WTAP: variants seen among roughly 807,000 people sequenced by gnomAD.
The protein encoded by WTAP is WT1 associated protein.
WTAP carries 8 observed loss-of-function variants against 50.0 expected under a neutral mutation model. The observed-to-expected ratio is 0.16, with a 90% CI of 0.09 to 0.29. The LOEUF is 0.29. Among genes scored for constraint, WTAP ranks in the 10% least tolerant of loss-of-function variants. WTAP has a pLI of 1.00. For synonymous variants in WTAP, 194 were observed against 169.0 expected (o/e 1.15, Z -1.15); for missense variants, 295 against 470.7 (o/e 0.63, Z 3.45).
At chr6:159,736,561 G>A (rs1778930639) in intron 2 of WTAP, 2 of 315,876 alleles carry the variant, frequency 6.3e-6, no homozygotes, top group Non-Finnish European at 1.2e-5. Context: ...TGTTCATTAT[G>A]TGAATATTTC....
At chr6:159,740,278 G>C (rs1284050126) in intron 3 of WTAP, among the ~76,000 whole-genome samples, 1 of 152,068 alleles carries the variant, frequency 6.6e-6, no homozygotes, top group East Asian at 1.9e-4. Flanking sequence ...TCTTAATAAA[G>C]AATCATAGAA....
At chr6:159,729,448 C>T (rs970979332) in intron 1 of WTAP, among the ~76,000 whole-genome samples, 2 of 152,098 alleles carry the variant, frequency 1.3e-5, no homozygotes, top group Non-Finnish European at 2.9e-5. Context: ...CAAGATGTTC[C>T]ATCTGACTAA....
chr6:159,754,384 TA>T lies in WTAP; in HGVS notation c.608-643del, dbSNP rs1489586556. ...CACTATCCTTAAGGATCAGACTTGC[TA>T]TGGAACTAAGGCACTGGATCAGGAA... On this transcript the variant is annotated intron_variant, in intron 7 of 7. Coordinates refer to ENST00000621533, the MANE Select transcript of WTAP (RefSeq NM_001270531.2). 5.9e-5 allele frequency among the ~76,000 whole-genome samples: 9 copies of T among 152,174 alleles called. No homozygotes were observed. In the East Asian group the frequency reaches 7.7e-4, roughly 13 times the overall value.
chr6:159,755,013 C>A lies in WTAP; in HGVS notation c.608-15C>A. ...ATAAACGATATTAAAGTTGGTCTGACTCTCCTTTGCACAGAACTGAATGAC... is the reference window on the plus strand; with the variant it reads ...ATAAACGATATTAAAGTTGGTCTGAATCTCCTTTGCACAGAACTGAATGAC... On this transcript the variant is annotated splice_polypyrimidine_tract_variant and intron_variant, in intron 7 of 7. Transcript: ENST00000621533. The A allele has an allele frequency of 6.3e-7, 1 of 1,581,606 alleles. No homozygotes were observed. The highest frequency in any genetic ancestry group is 8.6e-7 in the Non-Finnish European group (1 of 1,162,780).
Position 159,731,566 on chromosome 6 carries a change from C to T in WTAP, c.-9+3863C>T, listed in dbSNP as rs748378848. The stretch of plus-strand genomic sequence containing the variant: ...TTCTGCAGTAAGTGTTAGAAACAGT[C>T]GGGAGGACAGTATGATTATTATCCT... On this transcript the variant is annotated intron_variant, in intron 1 of 7. Transcript: ENST00000621533. 5.9e-5 allele frequency among the ~76,000 whole-genome samples: 9 copies of T among 152,184 alleles called. No individual in the cohort carries two copies. The South Asian group carries it at 1.4e-3, about 24-fold the overall frequency.
At chr6:159,727,392 G>GGGAGGCGGGAGGT, upstream of WTAP, 2 of 1,223,004 alleles carry the variant, frequency 1.6e-6, no homozygotes, top group Non-Finnish European at 2.1e-6. Context: ...GGCGGGAGGC[G>GGGAGGCGGGAGGT]GGAGGCGGGA....
At position 159,742,073 on chromosome 6, in the gene WTAP, A is replaced by ATT. The variant is rs557967659; in HGVS notation, c.87-7_87-6dup. Reference sequence around the variant, plus strand: ...TTTTATCGTAACAACTAATGTATGGATTTTTTTTTATTAGATGGAAACAAT... The same window carrying ATT: ...TTTTATCGTAACAACTAATGTATGGATTTTTTTTTTTATTAGATGGAAACAAT... On this transcript the variant is annotated splice_polypyrimidine_tract_variant and intron_variant, in intron 3 of 7. Transcript: ENST00000621533. 6.9e-4 allele frequency: 1,076 copies of ATT among 1,561,218 alleles called. 4 individuals carry two copies. In the African/African-American group the frequency reaches 0.013, roughly 19 times the overall value.
At chr6:159,741,814 C>G in intron 3 of WTAP, 1 of 282,870 alleles carries the variant, frequency 3.5e-6, no homozygotes, top group Non-Finnish European at 6.7e-6. Context: ...GTAGTGAGAC[C>G]CCATCTCTAC....
At chr6:159,753,931 G>A (rs962995652) in intron 7 of WTAP, among the ~76,000 whole-genome samples, 1 of 152,204 alleles carries the variant, frequency 6.6e-6, no homozygotes, top group African/African-American at 2.4e-5. Flanking sequence ...TTCATTGTTT[G>A]AAAGGGAGAA....
chr6:159,731,342 C>T (rs913757836), intron 1 of WTAP, among the ~76,000 whole-genome samples: 8 of 151,670 alleles, frequency 5.3e-5, no homozygotes, highest in African/African-American at 1.2e-4. Context: ...GTGGTTCATG[C>T]CTGTGATCCC....
At chr6:159,729,247 C>T (rs963800) in intron 1 of WTAP, among the ~76,000 whole-genome samples, 46,516 of 151,224 alleles carry the variant, frequency 0.31, 8,214 homozygotes, top group African/African-American at 0.5. Flanking sequence ...CAAAATTGTA[C>T]GTTAGTTAGT....
intron 1 of WTAP, among the ~76,000 whole-genome samples, chr6:159,733,289 G>T (rs922372514): frequency 2.0e-5 from 3 of 152,196 alleles, no homozygotes; most frequent in African/African-American, 2.4e-5. Context: ...AAATACTGAG[G>T]TTTTTATCTG....
intron 1 of WTAP, among the ~76,000 whole-genome samples, chr6:159,732,969 A>AT (rs1778680930): frequency 6.6e-6 from 1 of 151,740 alleles, no homozygotes; most frequent in African/African-American, 2.4e-5. Context: ...GAAATGCCAG[A>AT]TTTGATATCT....
intron 3 of WTAP, among the ~76,000 whole-genome samples, chr6:159,739,256 T>C (rs966833951): frequency 6.6e-6 from 1 of 152,228 alleles, no homozygotes; most frequent in Non-Finnish European, 1.5e-5. Context: ...GCTATAAGTT[T>C]AACAAATATA....
chr6:159,737,739 G>A (rs1028390661), intron 2 of WTAP, among the ~76,000 whole-genome samples: 15 of 152,078 alleles, frequency 9.9e-5, no homozygotes, highest in African/African-American at 3.6e-4. Flanking sequence ...ATATACTCCC[G>A]CCTCAGTCTC....
Position 159,755,619 on chromosome 6 carries a change from T to C in WTAP, c.*8T>C, listed in dbSNP as rs770408749. ...CAGGGTTCAGTTTTGTAATATTTTT[T>C]CAGCAAATTTTTATACAGTGTCATT... On this transcript the variant is annotated 3_prime_UTR_variant, in exon 8 of 8. Coordinates refer to ENST00000621533, the MANE Select transcript of WTAP (RefSeq NM_001270531.2). 1.9e-5 allele frequency: 30 copies of C among 1,579,564 alleles called. No homozygotes were observed. The highest frequency in any genetic ancestry group is 2.5e-5 in the Non-Finnish European group (29 of 1,163,496).
Position 159,755,571 on chromosome 6 carries a change from G to A in WTAP, c.1151G>A (p.Gly384Asp), listed in dbSNP as rs1171701562. 1.2e-6 allele frequency: 2 copies of A among 1,613,862 alleles called. No homozygotes were observed. The highest frequency in any genetic ancestry group is 1.7e-6 in the Non-Finnish European group (2 of 1,179,944). ...GTGGGTTCCCGCCACGTTCAGAATG[G>A]CTTGGACTCAAGTGTAAATGTACAG... The part of the protein sequence containing the change: ...RTVGSRHVQN[G>D]LDSSVNVQGS... Residue 384 changes from glycine (G) to aspartate (D), a missense_variant, in exon 8 of 8, where the codon GGC (glycine) becomes GAC (aspartate). Gly to Asp is a moderately conservative substitution (Grantham distance 94). This residue lies in a region of WTAP where 175 missense variants were observed against 183.1 expected (regional missense o/e 0.96). Transcript: ENST00000621533.
At chr6:159,753,689 T>A (rs906652630) in intron 7 of WTAP, 75 bp downstream of exon 7, 5 of 1,505,592 alleles carry the variant, frequency 3.3e-6, no homozygotes, top group Non-Finnish European at 4.5e-6. Flanking sequence ...TCATGAATAT[T>A]ATAGGTTAGA....
chr6:159,742,218 T>G (rs1271296647), intron 4 of WTAP, 72 bp downstream of exon 4: 1 of 1,307,904 alleles, frequency 7.6e-7, no homozygotes, highest in African/African-American at 1.5e-5. Flanking sequence ...AGGATAGTTG[T>G]TTTTATTAAA....
Sources: allele counts gnomAD v4.1 joint callset (sites outside exome capture counted in the v4.1 genomes callset), GRCh38; gene constraint gnomAD v4.1.1; regional missense constraint gnomAD v4.1.1; transcripts MANE v1.5; gene names NCBI Gene and HGNC (gene_info 2026-07-23, HGNC 2026-07-21).